The following HERC2 variants were observed in gnomAD, a reference collection of about 807,000 sequenced individuals.
HERC2 encodes the protein HECT and RLD domain containing E3 ubiquitin protein ligase 2.
In HERC2, 102 loss-of-function variants were observed where a neutral mutation model predicts 537.7. That is an observed-to-expected ratio of 0.19 (90% CI 0.16 to 0.22). The LOEUF (loss-of-function observed/expected upper bound fraction) is 0.22, where lower values mean the gene tolerates loss of function less well. HERC2 is among the 10% of genes least tolerant of loss of function. The pLI is 1.00. For missense variants in HERC2, 4,236 were observed against 6,198.2 expected (o/e 0.68, Z 10.63); for synonymous variants, 2,224 against 2,466.2 (o/e 0.90, Z 2.91).
intron 81 of HERC2, among the ~76,000 whole-genome samples, chr15:28,131,592 G>A (rs919566724): frequency 6.6e-6 from 1 of 152,180 alleles, no homozygotes; most frequent in African/African-American, 2.4e-5. Flanking sequence ...GGCTTGAGTG[G>A]AGCAGAGCCG....
intron 16 of HERC2, among the ~76,000 whole-genome samples, chr15:28,258,584 A>C (rs534355550): frequency 6.6e-6 from 1 of 152,356 alleles, no homozygotes; most frequent in African/African-American, 2.4e-5. Flanking sequence ...GTTTAATTAA[A>C]GCACTGCTAA....
intron 5 of HERC2, among the ~76,000 whole-genome samples, chr15:28,279,736 C>A (rs1197662966): frequency 2.0e-5 from 3 of 151,848 alleles, no homozygotes; most frequent in Admixed American, 1.3e-4. Context: ...TCACTAGAGC[C>A]CTGGAGTTCA....
Position 28,132,176 on chromosome 15 carries a change from G to A in HERC2, c.12494C>T (p.Thr4165Ile). 1 of 1,614,026 alleles carries A rather than the reference G, an allele frequency of 6.2e-7. No individual in the cohort carries two copies. The highest frequency in any genetic ancestry group is 8.5e-7 in the Non-Finnish European group (1 of 1,179,934). ...GTCCCCGTCCCCCCAGGACCAGACA[G>A]TGTCGTCATCTGTGAGGCAGAGGGT... is the stretch of plus-strand genomic sequence containing the variant. ...AQTLCLTDDD[T>I]VWSWGDGDYG... Residue 4165 changes from threonine (T) to isoleucine (I), a missense_variant, in exon 81 of 93, where the codon ACT (threonine) becomes ATT (isoleucine). By Grantham distance (89) the Thr-to-Ile change is moderately conservative. Transcript: ENST00000261609.
chr15:28,146,419 C>A, intron 70 of HERC2, 75 bp from the exon 71 acceptor site: 1 of 955,934 alleles, frequency 1.0e-6, no homozygotes, highest in Non-Finnish European at 1.7e-6. Flanking sequence ...GAAACTAAAA[C>A]CACATTTAAC....
chr15:28,163,484 CA>C (rs1220936229), intron 68 of HERC2, among the ~76,000 whole-genome samples, 199 bp from the exon 69 acceptor site: 2 of 152,064 alleles, frequency 1.3e-5, no homozygotes, highest in African/African-American at 4.8e-5. Flanking sequence ...TTTTCAAGAC[CA>C]ATTAACTGTT....
intron 71 of HERC2, 103 bp downstream of exon 71, chr15:28,146,134 C>G (rs1891707609): frequency 2.5e-6 from 2 of 795,164 alleles, no homozygotes; most frequent in Non-Finnish European, 4.2e-6. Context: ...CTTAAGACTT[C>G]CATGAGAATA....
intron 44 of HERC2, among the ~76,000 whole-genome samples, chr15:28,207,640 G>T (rs935532266): frequency 2.6e-5 from 4 of 152,064 alleles, no homozygotes; most frequent in African/African-American, 9.7e-5. Context: ...GACTCTGTTT[G>T]ACACAGCCCC....
chr15:28,248,270 G>C (rs369558040), intron 21 of HERC2, among the ~76,000 whole-genome samples: 22 of 152,108 alleles, frequency 1.4e-4, no homozygotes. Context: ...ATAGCACATG[G>C]AACAAATCTG....
Position 28,256,183 on chromosome 15 carries a change from C to G in HERC2, c.2652G>C (p.Ser884=), listed in dbSNP as rs767947119. Residue 884 remains serine (S), a synonymous_variant, in exon 18 of 93, where the codon TCG becomes TCC. Transcript: ENST00000261609. Reference sequence around the variant, plus strand: ...CACTCTGCAGCACGGCCTGGGCGGCCGACTGCACGGTGCTCAGCACGCCCG... The same window carrying G: ...CACTCTGCAGCACGGCCTGGGCGGCGGACTGCACGGTGCTCAGCACGCCCG... ...SSAGVLSTVQ[S]AAQAVLQSGW... 1.2e-6 allele frequency: 2 copies of G among 1,601,408 alleles called. No homozygotes were observed. Among genetic ancestry groups the G allele is most frequent in the Middle Eastern group, 1.7e-4 (1 of 5,762 alleles).
chr15:28,237,373 G>T (rs912363993), intron 25 of HERC2, among the ~76,000 whole-genome samples: 7 of 152,186 alleles, frequency 4.6e-5, no homozygotes, highest in Non-Finnish European at 8.8e-5. Context: ...TACATGATTT[G>T]GCTAGAATAT....
intron 70 of HERC2, among the ~76,000 whole-genome samples, chr15:28,148,899 A>G (rs1892066474): frequency 1.3e-5 from 2 of 151,670 alleles, no homozygotes; most frequent in South Asian, 4.2e-4. Flanking sequence ...ATTCTAGTAA[A>G]ATTACTGAAA....
At position 28,213,692 on chromosome 15, in the gene HERC2, G is replaced by A. The variant is rs1417391663; in HGVS notation, c.6786+50C>T. The A allele has an allele frequency of 1.9e-6, 3 of 1,612,290 alleles. No homozygotes were observed. The South Asian group carries it at 3.3e-5, about 18-fold the overall frequency. On this transcript the variant is annotated intron_variant, in intron 42 of 92. Transcript: ENST00000261609. ...GCTGATGCTGGTGCTCGGTTCTAGT[G>A]TAAAGTCAATTTCCCTTATCATGCA...
At chr15:28,112,099 C>A in intron 92 of HERC2, 64 bp from the exon 93 acceptor site, 1 of 1,483,844 alleles carries the variant, frequency 6.7e-7, no homozygotes, top group South Asian at 1.2e-5. Flanking sequence ...TTACTGTGCT[C>A]ATTAGACTCT....
chr15:28,119,792 C>A (rs994982068), intron 86 of HERC2, among the ~76,000 whole-genome samples: 15 of 152,108 alleles, frequency 9.9e-5, no homozygotes, highest in Non-Finnish European at 1.9e-4. Flanking sequence ...TTTGTTTTTT[C>A]AATTGCATAC....
At chr15:28,270,375 G>C (rs1184627929) in intron 10 of HERC2, among the ~76,000 whole-genome samples, 8 of 151,988 alleles carry the variant, frequency 5.3e-5, no homozygotes, top group African/African-American at 1.9e-4. Flanking sequence ...TCCGCGTTCA[G>C]AGTATGAAGA....
chr15:28,283,719 T>C (rs2076083172), intron 4 of HERC2, among the ~76,000 whole-genome samples: 1 of 152,170 alleles, frequency 6.6e-6, no homozygotes, highest in Non-Finnish European at 1.5e-5. Context: ...TTGTCATATG[T>C]GGTTATCAAT....
rs1350927613 is a variant in HERC2, at chr15:28,285,850, G to A, written c.323-5563C>T. On this transcript the variant is annotated intron_variant, in intron 4 of 92. Coordinates refer to ENST00000261609, the MANE Select transcript of HERC2 (RefSeq NM_004667.6). ...AAATTACCAACATTAGTGATGAAACGGACTCTAAAGATACCAAAAAAGATA... is the reference window on the plus strand; with the variant it reads ...AAATTACCAACATTAGTGATGAAACAGACTCTAAAGATACCAAAAAAGATA... 2.7e-5 allele frequency among the ~76,000 whole-genome samples: 4 copies of A among 145,966 alleles called. 1 individual carries two copies. Among genetic ancestry groups the A allele is most frequent in the Middle Eastern group, 3.6e-3 (1 of 274 alleles).
intron 90 of HERC2, 54 bp downstream of exon 90, chr15:28,114,558 G>A (rs1359604180): frequency 7.2e-6 from 11 of 1,537,594 alleles, no homozygotes; most frequent in South Asian, 2.3e-5. Context: ...ACACAACCAC[G>A]TTCTGCTACT....
intron 5 of HERC2, among the ~76,000 whole-genome samples, chr15:28,279,686 G>T (rs1395240086): frequency 6.6e-6 from 1 of 151,436 alleles, no homozygotes; most frequent in Non-Finnish European, 1.5e-5. Context: ...GGTGGCATGT[G>T]CCTGTAGTCC....
Sources: allele counts gnomAD v4.1 joint callset (sites outside exome capture counted in the v4.1 genomes callset), GRCh38; gene constraint gnomAD v4.1.1; transcripts MANE v1.5; gene names NCBI Gene and HGNC (gene_info 2026-07-23, HGNC 2026-07-21).